RABGAP1L: variants seen among roughly 807,000 people sequenced by gnomAD.
The protein encoded by RABGAP1L is RAB GTPase activating protein 1 like.
Under a neutral mutation model 137.7 loss-of-function variants are expected in RABGAP1L, and 63 were observed. That is an observed-to-expected ratio of 0.46 (90% CI 0.37 to 0.56). RABGAP1L has a LOEUF of 0.56. Ranked by LOEUF, RABGAP1L falls within the 20% of genes least tolerant of loss-of-function variation. The pLI, the probability that RABGAP1L is intolerant of heterozygous loss-of-function variation, is 0.00. For synonymous variants in RABGAP1L, 431 were observed against 433.7 expected (o/e 0.99, Z 0.08); for missense variants, 1,095 against 1,244.0 (o/e 0.88, Z 1.80).
chr1:174,869,669 T>C, intron 19 of RABGAP1L, among the ~76,000 whole-genome samples: 1 of 152,176 alleles, frequency 6.6e-6, no homozygotes, highest in Non-Finnish European at 1.5e-5. Flanking sequence ...ATAGACTGAA[T>C]GTTTGTGTCC....
At chr1:174,302,214 G>T (rs1159279172) in intron 10 of RABGAP1L, among the ~76,000 whole-genome samples, 1 of 152,160 alleles carries the variant, frequency 6.6e-6, no homozygotes, top group African/African-American at 2.4e-5. Context: ...AGCCACTTTT[G>T]CTGCTTCATT....
At chr1:174,614,689 A>G (rs985322991) in intron 13 of RABGAP1L, among the ~76,000 whole-genome samples, 1 of 152,126 alleles carries the variant, frequency 6.6e-6, no homozygotes, top group Admixed American at 6.5e-5. Flanking sequence ...ACTTGGTTCC[A>G]TTCTCCCCGT....
At chr1:174,476,943 C>T (rs180866013) in intron 13 of RABGAP1L, among the ~76,000 whole-genome samples, 36 of 152,196 alleles carry the variant, frequency 2.4e-4, no homozygotes, top group Admixed American at 2.0e-4. Context: ...TGGCAGAAGA[C>T]GTTCATGTGT....
At chr1:174,521,010 T>G (rs1441039579) in intron 13 of RABGAP1L, among the ~76,000 whole-genome samples, 2 of 152,162 alleles carry the variant, frequency 1.3e-5, no homozygotes, top group Admixed American at 1.3e-4. Flanking sequence ...AAAAAAACAG[T>G]GTTTTAGTTT....
chr1:174,663,939 G>A (rs1676570304), intron 14 of RABGAP1L, among the ~76,000 whole-genome samples: 1 of 152,106 alleles, frequency 6.6e-6, no homozygotes, highest in African/African-American at 2.4e-5. Flanking sequence ...CTGAAATGCT[G>A]TCTAGTGTTT....
intron 13 of RABGAP1L, among the ~76,000 whole-genome samples, chr1:174,608,406 C>A (rs1670945254): frequency 6.6e-6 from 1 of 151,986 alleles, no homozygotes; most frequent in African/African-American, 2.4e-5. Flanking sequence ...ATGTCTTAGC[C>A]CAAGGCAATA....
intron 13 of RABGAP1L, among the ~76,000 whole-genome samples, chr1:174,603,791 C>T (rs77025642): frequency 0.079 from 11,984 of 151,982 alleles, 650 homozygotes; most frequent in East Asian, 0.31. Flanking sequence ...GGGTTCTCCC[C>T]TACAAGGCAG....
At chr1:174,312,594 T>G (rs1678962512) in intron 11 of RABGAP1L, among the ~76,000 whole-genome samples, 1 of 152,216 alleles carries the variant, frequency 6.6e-6, no homozygotes, top group Non-Finnish European at 1.5e-5. Context: ...GTGCAGAAGC[T>G]TTCTAACTTG....
intron 13 of RABGAP1L, among the ~76,000 whole-genome samples, chr1:174,560,958 A>G (rs377693251): frequency 2.0e-5 from 3 of 152,202 alleles, no homozygotes; most frequent in African/African-American, 7.2e-5. Flanking sequence ...TTGTAATGCA[A>G]TTAGTCTTAT....
chr1:174,457,656 C>T (rs970766695), intron 13 of RABGAP1L, among the ~76,000 whole-genome samples: 1 of 151,874 alleles, frequency 6.6e-6, no homozygotes, highest in Non-Finnish European at 1.5e-5. Context: ...GTGTGTGCCA[C>T]CACGCCTAGC....
intron 7 of RABGAP1L, among the ~76,000 whole-genome samples, chr1:174,255,950 A>G (rs1558075304): frequency 1.3e-5 from 2 of 152,200 alleles, no homozygotes; most frequent in Non-Finnish European, 2.9e-5. Context: ...ATGTTTTCCA[A>G]GAATAGGGAT....
chr1:174,946,667 G>A (rs912150271), intron 19 of RABGAP1L, among the ~76,000 whole-genome samples: 4 of 151,822 alleles, frequency 2.6e-5, no homozygotes, highest in Non-Finnish European at 4.4e-5. Context: ...TTGAGAGGCC[G>A]AGGCAGGTGG....
At chr1:174,590,528 G>T (rs918440082) in intron 13 of RABGAP1L, among the ~76,000 whole-genome samples, 2 of 97,328 alleles carry the variant, frequency 2.1e-5, no homozygotes, top group Non-Finnish European at 4.0e-5. Context: ...AGTCCCCAGA[G>T]TGTGCTATTC....
intron 12 of RABGAP1L, among the ~76,000 whole-genome samples, chr1:174,392,382 T>C (rs1647266236): frequency 6.6e-6 from 1 of 152,202 alleles, no homozygotes; most frequent in Non-Finnish European, 1.5e-5. Flanking sequence ...ATTTACTAAT[T>C]TGAAACTTGC....
chr1:174,191,807 T>C (rs1215562584), intron 1 of RABGAP1L, among the ~76,000 whole-genome samples: 1 of 152,120 alleles, frequency 6.6e-6, no homozygotes, highest in East Asian at 1.9e-4. Context: ...ATTCCTGGAA[T>C]AATAGAGACA....
In RABGAP1L at chr1:174,883,605, T is replaced by C. The variant is rs369501409; in HGVS notation, c.2340+71645T>C. On this transcript the variant is annotated intron_variant, in intron 19 of 25. Transcript: ENST00000681986. ...GGGTGGGAAGGCAATGTAGAACCAATAGAAGGGAGTATATATAGGCCAAAC... is the reference window on the plus strand; with the variant it reads ...GGGTGGGAAGGCAATGTAGAACCAACAGAAGGGAGTATATATAGGCCAAAC... Among the ~76,000 whole-genome samples the C allele has an allele frequency of 1.3e-4, 20 of 152,140 alleles. No individual in the cohort carries two copies. In the East Asian group the frequency reaches 1.9e-3, roughly 15 times the overall value.
intron 18 of RABGAP1L, among the ~76,000 whole-genome samples, chr1:174,790,421 C>T (rs1253471351): frequency 4.6e-5 from 7 of 151,832 alleles, no homozygotes; most frequent in African/African-American, 2.4e-5. Flanking sequence ...GTCAGGAGTT[C>T]GAGACCAGCC....
chr1:174,905,217 A>G (rs1158443519), intron 19 of RABGAP1L, among the ~76,000 whole-genome samples: 3 of 152,244 alleles, frequency 2.0e-5, no homozygotes, highest in African/African-American at 2.4e-5. Context: ...TGCAAATACT[A>G]GAATAAATAA....
At chr1:174,655,357 G>A (rs1675886019) in intron 14 of RABGAP1L, among the ~76,000 whole-genome samples, 1 of 152,096 alleles carries the variant, frequency 6.6e-6, no homozygotes, top group Non-Finnish European at 1.5e-5. Flanking sequence ...TCTTGACCTT[G>A]ATGCTTTCGA....
Sources: gnomAD v4.1 joint callset for allele counts (sites outside exome capture counted in the v4.1 genomes callset) on GRCh38, gnomAD v4.1.1 for gene constraint, MANE v1.5 for transcripts, NCBI Gene and HGNC (gene_info 2026-07-23, HGNC 2026-07-21) for gene names.